ANXA7: variants seen among roughly 807,000 people sequenced by gnomAD.
ANXA7 encodes annexin A7, also known as annexin VII.
ANXA7 carries 55 observed loss-of-function variants against 64.9 expected under a neutral mutation model. The ratio of observed to expected loss-of-function variants is 0.85; its 90% CI spans 0.68 to 1.06. The LOEUF (loss-of-function observed/expected upper bound fraction) is 1.06. Among genes scored for constraint, ANXA7 ranks in the 50% least tolerant of loss-of-function variants. The probability of loss-of-function intolerance (pLI) is 0.00; values close to 1 mark genes in which losing one functional copy is unlikely to be tolerated. For missense variants in ANXA7, 548 were observed against 582.1 expected (o/e 0.94, Z 0.60); for synonymous variants, 200 against 192.4 (o/e 1.04, Z -0.33).
At chr10:73,378,387 A>G (rs1589644770) in intron 12 of ANXA7, among the ~76,000 whole-genome samples, 1 of 151,574 alleles carries the variant, frequency 6.6e-6, no homozygotes, top group East Asian at 1.9e-4. Context: ...CAAAAAAAAA[A>G]AAAAAAAAAA....
intron 1 of ANXA7, among the ~76,000 whole-genome samples, chr10:73,404,631 T>C (rs1392774032): frequency 1.3e-5 from 2 of 152,036 alleles, no homozygotes; most frequent in Admixed American, 6.6e-5. Flanking sequence ...TGGGGATTCA[T>C]TACACTCTCC....
chr10:73,397,167 G>A lies in ANXA7; in HGVS notation c.367C>T (p.Pro123Ser). The change falls in exon 4 of 13, where the codon CCT becomes TCT. Residue 123 changes from proline (P) to serine (S), a missense_variant. Transcript: ENST00000372921. ...TTTCTGGACAGCTGGTACCTACCAG[G>A]TAGTGGAACCTGTGCTGGACCACCT... is the stretch of plus-strand genomic sequence containing the variant. ...YGGGPAQVPLPGGFPGGQMPS... is the reference protein window; with the variant it reads ...YGGGPAQVPLSGGFPGGQMPS... 1 of 1,583,736 alleles carries A rather than the reference G, an allele frequency of 6.3e-7. No individual in the cohort carries two copies. Among genetic ancestry groups the A allele is most frequent in the Non-Finnish European group, 8.6e-7 (1 of 1,162,974 alleles).
At chr10:73,385,705 A>G (rs1050805269) in intron 7 of ANXA7, among the ~76,000 whole-genome samples, 3 of 152,174 alleles carry the variant, frequency 2.0e-5, no homozygotes, top group African/African-American at 7.2e-5. Flanking sequence ...TAAAAAATTC[A>G]TAACATGGAA....
chr10:73,412,632 TAC>T (rs1180634301), intron 1 of ANXA7, among the ~76,000 whole-genome samples: 2 of 151,526 alleles, frequency 1.3e-5, no homozygotes, highest in African/African-American at 4.9e-5. Flanking sequence ...TAGCTGGGAT[TAC>T]AGGCGCGCGC....
At chr10:73,378,847 A>G in intron 12 of ANXA7, 64 bp downstream of exon 12, 1 of 1,238,274 alleles carries the variant, frequency 8.1e-7, no homozygotes, top group Non-Finnish European at 1.2e-6. Flanking sequence ...CAACTGGGGA[A>G]CTTTTAAGAA....
At chr10:73,377,932 C>CGT (rs2055210415) in intron 12 of ANXA7, among the ~76,000 whole-genome samples, 1 of 126,732 alleles carries the variant, frequency 7.9e-6, no homozygotes, top group African/African-American at 3.2e-5. Flanking sequence ...TGTGTGTGTG[C>CGT]GCGCGCGTGT....
intron 7 of ANXA7, 124 bp from the exon 8 acceptor site, chr10:73,383,814 T>A (rs1218460132): frequency 1.4e-6 from 1 of 693,074 alleles, no homozygotes; most frequent in Non-Finnish European, 2.5e-6. Flanking sequence ...GAAAGCTGAA[T>A]GTTAATATAC....
chr10:73,392,484 A>C (rs1006807672), intron 5 of ANXA7, among the ~76,000 whole-genome samples: 1 of 152,224 alleles, frequency 6.6e-6, no homozygotes, highest in African/African-American at 2.4e-5. Context: ...CCAGTAGCAC[A>C]TCAAAAAGCT....
intron 7 of ANXA7, among the ~76,000 whole-genome samples, chr10:73,384,114 C>A (rs534159004): frequency 2.7e-5 from 4 of 150,812 alleles, no homozygotes; most frequent in East Asian, 3.9e-4. Context: ...GAGCAAGACT[C>A]CGTCTCAAAA....
At position 73,387,724 on chromosome 10, in the gene ANXA7, T is replaced by C. The variant is rs201971323; in HGVS notation, c.598A>G (p.Lys200Glu). 1.7e-5 allele frequency: 28 copies of C among 1,614,046 alleles called. No individual in the cohort carries two copies. The Admixed American group carries it at 2.2e-4, about 12-fold the overall frequency. ...VANRSNDQRQ[K>E]IKAAFKTSYG... Reference sequence around the variant, plus strand: ...GAGGTCTTAAATGCTGCTTTAATTTTTTGCCTCTGATCATTGGAACGGTTG... The same window carrying C: ...GAGGTCTTAAATGCTGCTTTAATTTCTTGCCTCTGATCATTGGAACGGTTG... Residue 200 changes from lysine to glutamate, a missense_variant, in exon 7 of 13, where the codon AAA (lysine) becomes GAA (glutamate). Transcript: ENST00000372921.
intron 1 of ANXA7, 110 bp from the exon 2 acceptor site, chr10:73,400,967 C>A: frequency 1.2e-6 from 1 of 856,362 alleles, no homozygotes; most frequent in Non-Finnish European, 1.7e-6. Context: ...AGTGCAGTGG[C>A]GTGATTTTGG....
At chr10:73,412,895 G>T (rs1194282263) in intron 1 of ANXA7, among the ~76,000 whole-genome samples, 1 of 151,230 alleles carries the variant, frequency 6.6e-6, no homozygotes, top group African/African-American at 2.4e-5. Flanking sequence ...CAGTGAGTCA[G>T]TTAGTAAAAG....
intron 5 of ANXA7, among the ~76,000 whole-genome samples, chr10:73,392,527 G>A (rs2055502121): frequency 6.6e-6 from 1 of 152,090 alleles, no homozygotes; most frequent in Non-Finnish European, 1.5e-5. Context: ...TTCATCCCTG[G>A]GATGCAAGGC....
chr10:73,410,082 A>C (rs894212791), intron 1 of ANXA7, among the ~76,000 whole-genome samples: 32 of 152,124 alleles, frequency 2.1e-4, no homozygotes, highest in African/African-American at 7.5e-4. Flanking sequence ...ACAGTCTTCT[A>C]AACACTGGCC....
chr10:73,396,826 T>C (rs58505249), intron 4 of ANXA7, among the ~76,000 whole-genome samples: 15,895 of 152,154 alleles, frequency 0.1, 1,196 homozygotes, highest in East Asian at 0.3. Flanking sequence ...CACACTTGAA[T>C]CAGATTAAAT....
intron 7 of ANXA7, among the ~76,000 whole-genome samples, chr10:73,384,937 C>A (rs895584427): frequency 4.0e-5 from 6 of 151,810 alleles, no homozygotes; most frequent in Non-Finnish European, 8.8e-5. Flanking sequence ...GGGTTCCCAG[C>A]CTTGACTCTT....
chr10:73,377,816 T>C (rs999172920), intron 12 of ANXA7, among the ~76,000 whole-genome samples: 2 of 141,912 alleles, frequency 1.4e-5, no homozygotes, highest in African/African-American at 5.6e-5. Context: ...TTTGTATAAA[T>C]AGGTTTCACC....
chr10:73,379,349 C>T (rs1385890725), intron 11 of ANXA7, among the ~76,000 whole-genome samples: 1 of 152,154 alleles, frequency 6.6e-6, no homozygotes, highest in Non-Finnish European at 1.5e-5. Flanking sequence ...TTGTTAATAC[C>T]AAAGTGTTAC....
intron 2 of ANXA7, among the ~76,000 whole-genome samples, chr10:73,399,540 G>A (rs941449036): frequency 6.6e-6 from 1 of 152,028 alleles, no homozygotes; most frequent in Admixed American, 6.6e-5. Flanking sequence ...ACCAAAATGT[G>A]GGCTGGGCTA....
Sources: allele counts gnomAD v4.1 joint callset (sites outside exome capture counted in the v4.1 genomes callset), GRCh38; gene constraint gnomAD v4.1.1; transcripts MANE v1.5; gene names NCBI Gene and HGNC (gene_info 2026-07-23, HGNC 2026-07-21).